The following DOCK4 variants were observed in gnomAD, a reference collection of about 807,000 sequenced individuals.
DOCK4 encodes dedicator of cytokinesis protein 4.
DOCK4 carries 97 observed loss-of-function variants against 268.1 expected under a neutral mutation model. The observed-to-expected ratio is 0.36, with a 90% CI of 0.31 to 0.43. The LOEUF (loss-of-function observed/expected upper bound fraction) is 0.43, where lower values mean the gene tolerates loss of function less well. Ranked by LOEUF, DOCK4 falls within the 20% of genes least tolerant of loss-of-function variation. DOCK4 has a pLI of 1.00. For missense variants in DOCK4, 2,145 were observed against 2,455.7 expected (o/e 0.87, Z 2.67); for synonymous variants, 954 against 887.2 (o/e 1.08, Z -1.34).
intron 1 of DOCK4, among the ~76,000 whole-genome samples, chr7:112,189,504 G>A (rs538007214): frequency 5.9e-5 from 9 of 152,144 alleles, no homozygotes; most frequent in Non-Finnish European, 1.2e-4. Context: ...CAGTCACATG[G>A]TGTTGTAAAG....
chr7:112,093,676 A>G (rs1375909866), intron 1 of DOCK4, among the ~76,000 whole-genome samples: 2 of 152,204 alleles, frequency 1.3e-5, no homozygotes, highest in Non-Finnish European at 2.9e-5. Context: ...TTACTGTGAT[A>G]TATCACCTCG....
At chr7:112,005,934 T>C (rs2135328302) in intron 1 of DOCK4, among the ~76,000 whole-genome samples, 1 of 152,246 alleles carries the variant, frequency 6.6e-6, no homozygotes, top group African/African-American at 2.4e-5. Flanking sequence ...TTTACTAAGA[T>C]CTCCAGTCCC....
At chr7:112,178,801 C>T (rs992109796) in intron 1 of DOCK4, among the ~76,000 whole-genome samples, 1 of 152,194 alleles carries the variant, frequency 6.6e-6, no homozygotes, top group African/African-American at 2.4e-5. Flanking sequence ...TCCTCTCGTT[C>T]ATCCTCTATT....
chr7:111,917,115 G>A (rs894825550), intron 12 of DOCK4, among the ~76,000 whole-genome samples: 1 of 150,798 alleles, frequency 6.6e-6, no homozygotes, highest in Non-Finnish European at 1.5e-5. Flanking sequence ...AGCCTCCTGA[G>A]TAGCTGGGAC....
chr7:112,184,617 C>T (rs1249682288), intron 1 of DOCK4, among the ~76,000 whole-genome samples: 1 of 152,094 alleles, frequency 6.6e-6, no homozygotes, highest in Non-Finnish European at 1.5e-5. Flanking sequence ...ATAAAAACCC[C>T]GGCCCTTGGA....
At chr7:111,895,589 C>A (rs371340925) in intron 16 of DOCK4, 23 bp downstream of exon 16, 1 of 1,603,410 alleles carries the variant, frequency 6.2e-7, no homozygotes, top group East Asian at 2.2e-5. Context: ...TACTGCCCAT[C>A]GCCACCATCT....
chr7:112,138,093 TTGTCAACACCCTCCTAAAAAA>T (rs567785816), intron 1 of DOCK4, among the ~76,000 whole-genome samples: 220 of 152,298 alleles, frequency 1.4e-3, no homozygotes, highest in Middle Eastern at 0.01. Flanking sequence ...CCACTCCAAT[TTGTCAACACCCTCCTAAAAAA>T]TGTTTTGTCA....
intron 1 of DOCK4, among the ~76,000 whole-genome samples, chr7:112,138,423 A>G (rs1398850564): frequency 6.6e-6 from 1 of 152,218 alleles, no homozygotes; most frequent in Non-Finnish European, 1.5e-5. Context: ...TTCTCTACTT[A>G]TAGAGCCTAG....
intron 1 of DOCK4, among the ~76,000 whole-genome samples, chr7:112,105,172 G>A (rs1269076255): frequency 6.6e-6 from 1 of 152,000 alleles, no homozygotes; most frequent in Non-Finnish European, 1.5e-5. Context: ...ATATGTTTAG[G>A]GTAACTCATA....
intron 52 of DOCK4, among the ~76,000 whole-genome samples, chr7:111,729,314 C>T (rs936888996): frequency 1.3e-5 from 2 of 152,180 alleles, no homozygotes; most frequent in Non-Finnish European, 2.9e-5. Context: ...AATCCCAATA[C>T]TTTAGAAGGC....
intron 50 of DOCK4, 78 bp from the exon 51 acceptor site, chr7:111,735,245 G>C: frequency 1.1e-6 from 1 of 939,184 alleles, no homozygotes; most frequent in Non-Finnish European, 1.6e-6. Flanking sequence ...AAGAAAGTCA[G>C]AATTATCCAG....
At chr7:112,075,702 C>A (rs567948297) in intron 1 of DOCK4, among the ~76,000 whole-genome samples, 1 of 152,062 alleles carries the variant, frequency 6.6e-6, no homozygotes, top group African/African-American at 2.4e-5. Flanking sequence ...GATGTAAACA[C>A]ACTATGCCAT....
At chr7:111,973,080 A>G (rs967411056) in intron 8 of DOCK4, among the ~76,000 whole-genome samples, 5 of 148,980 alleles carry the variant, frequency 3.4e-5, no homozygotes, top group Non-Finnish European at 7.4e-5. Context: ...ACTTAGAATA[A>G]TGGTCTCTAA....
chr7:112,075,765 A>G (rs1808009423), intron 1 of DOCK4, among the ~76,000 whole-genome samples: 1 of 152,138 alleles, frequency 6.6e-6, no homozygotes, highest in African/African-American at 2.4e-5. Flanking sequence ...AAGTAGGGCT[A>G]AACTTTGTCC....
chr7:111,835,424 C>T (rs759274642), intron 25 of DOCK4, among the ~76,000 whole-genome samples: 1 of 152,038 alleles, frequency 6.6e-6, no homozygotes, highest in African/African-American at 2.4e-5. Flanking sequence ...TGATTTGTAA[C>T]CATAAATTCT....
intron 30 of DOCK4, among the ~76,000 whole-genome samples, chr7:111,797,103 TAA>T (rs1799949037): frequency 6.6e-6 from 1 of 152,198 alleles, no homozygotes; most frequent in African/African-American, 2.4e-5. Flanking sequence ...AAGTGCACTC[TAA>T]AACACCAGAA....
At chr7:112,137,681 C>T (rs943758119) in intron 1 of DOCK4, among the ~76,000 whole-genome samples, 1 of 152,066 alleles carries the variant, frequency 6.6e-6, no homozygotes, top group Non-Finnish European at 1.5e-5. Flanking sequence ...TGGCCTAACC[C>T]TTCCTCAATG....
chr7:111,760,951 C>G (rs1462186647), intron 39 of DOCK4, among the ~76,000 whole-genome samples: 1 of 151,988 alleles, frequency 6.6e-6, no homozygotes, highest in East Asian at 1.9e-4. Flanking sequence ...TAATTGAGCA[C>G]AGTCATTGAT....
chr7:111,820,607 G>A (rs1024219960), intron 27 of DOCK4: 1 of 152,144 alleles, frequency 6.6e-6, no homozygotes, highest in Non-Finnish European at 1.5e-5. Flanking sequence ...AAGTAACGAT[G>A]GGGCAGAGAG....
Sources: allele counts gnomAD v4.1 joint callset (sites outside exome capture counted in the v4.1 genomes callset), GRCh38; gene constraint gnomAD v4.1.1; transcripts MANE v1.5; gene names NCBI Gene and HGNC (gene_info 2026-07-23, HGNC 2026-07-21).